The following PYY variants were observed in gnomAD, a reference collection of about 807,000 sequenced individuals.
PYY encodes the protein peptide YY, also known as peptide tyrosine tyrosine.
A neutral mutation model predicts 10.3 loss-of-function variants in PYY; 12 were observed. That is an observed-to-expected ratio of 1.17 (90% CI 0.75 to 1.89). The LOEUF is 1.89. Ranked by LOEUF, PYY falls within the 40% of genes most tolerant of loss-of-function variation. The pLI is 0.00. For missense variants in PYY, 141 were observed against 134.0 expected (o/e 1.05, Z -0.26); for synonymous variants, 66 against 62.0 (o/e 1.06, Z -0.30).
rs1427408485 is a variant in PYY, at chr17:43,987,021, C to G, written c.-463+17370G>C. On this transcript the variant is annotated intron_variant, in intron 1 of 6. Coordinates refer to the PYY transcript ENST00000360085. This position sits in a 1 kb window ranked among gnomAD's most constrained non-coding sequence, Gnocchi z 4.0. Reference sequence around the variant, plus strand: ...TTCCTACAGCAAGTCAACGGCAACACCAGGGCTCAGCTCAGGCCGGTCTGG... The same window carrying G: ...TTCCTACAGCAAGTCAACGGCAACAGCAGGGCTCAGCTCAGGCCGGTCTGG... 1.3e-5 allele frequency among the ~76,000 whole-genome samples: 2 copies of G among 152,194 alleles called. No homozygotes were observed. Among genetic ancestry groups the G allele is most frequent in the African/African-American group, 4.8e-5 (2 of 41,424 alleles).
chr17:43,953,605 C>T, intron 1 of PYY, 122 bp from the exon 2 acceptor site: 1 of 933,116 alleles, frequency 1.1e-6, no homozygotes, highest in East Asian at 2.8e-5. Flanking sequence ...GACCAAGGCT[C>T]AGCCACCGGG....
chr17:43,955,102 G>C (rs1453397671), upstream of PYY, among the ~76,000 whole-genome samples: 1 of 152,226 alleles, frequency 6.6e-6, no homozygotes, highest in Non-Finnish European at 1.5e-5. Context: ...CCTGGGAGCA[G>C]GGACCCGAAG....
intron 1 of PYY, among the ~76,000 whole-genome samples, chr17:43,993,053 C>G (rs931039081): frequency 3.3e-5 from 5 of 152,330 alleles, no homozygotes; most frequent in African/African-American, 1.2e-4. Context: ...GCGACGCACA[C>G]CTGTAATCCC....
At chr17:43,973,214 T>A (rs2048807193) in intron 1 of PYY, among the ~76,000 whole-genome samples, 1 of 152,108 alleles carries the variant, frequency 6.6e-6, no homozygotes, top group African/African-American at 2.4e-5. Flanking sequence ...TTAAAAAGTG[T>A]TTGTCACTTA....
chr17:43,961,668 G>A (rs2048713716), intron 2 of PYY, among the ~76,000 whole-genome samples: 1 of 152,130 alleles, frequency 6.6e-6, no homozygotes, highest in Non-Finnish European at 1.5e-5. Flanking sequence ...AGCCTCCCGA[G>A]TAGCTGGGAT....
upstream of PYY, among the ~76,000 whole-genome samples, chr17:43,954,163 G>GA (rs1417945983): frequency 9.2e-5 from 14 of 152,194 alleles, no homozygotes; most frequent in African/African-American, 3.4e-4. Context: ...GGGGTACCCA[G>GA]CCTGAACCCC....
chr17:43,991,676 T>G (rs1358884051), intron 1 of PYY, among the ~76,000 whole-genome samples: 5 of 151,884 alleles, frequency 3.3e-5, no homozygotes, highest in Non-Finnish European at 7.4e-5. Flanking sequence ...TACAAAAAAT[T>G]GGCTGGGCGT....
intron 2 of PYY, among the ~76,000 whole-genome samples, chr17:43,964,349 C>A (rs2048739881): frequency 6.6e-6 from 1 of 152,158 alleles, no homozygotes. Context: ...AATATTATGC[C>A]CATAAGCTTT....
intron 1 of PYY, among the ~76,000 whole-genome samples, chr17:43,991,495 C>T (rs190182404): frequency 2.1e-3 from 323 of 152,298 alleles, no homozygotes; most frequent in Non-Finnish European, 3.7e-3. Flanking sequence ...CTATGTAAAA[C>T]TATATGGTCA....
chr17:43,989,092 A>G (rs1280143496), intron 1 of PYY, among the ~76,000 whole-genome samples: 1 of 148,296 alleles, frequency 6.7e-6, no homozygotes, highest in Non-Finnish European at 1.5e-5. Context: ...AACACATAAC[A>G]GGCTGGGCGC....
At chr17:43,976,990 C>T (rs2048853622) in intron 1 of PYY, among the ~76,000 whole-genome samples, 1 of 152,108 alleles carries the variant, frequency 6.6e-6, no homozygotes, top group Non-Finnish European at 1.5e-5. Context: ...CCGGCCTCTA[C>T]CCACATTTCT....
chr17:43,989,617 T>C (rs755785141), intron 1 of PYY, among the ~76,000 whole-genome samples: 101 of 151,370 alleles, frequency 6.7e-4, no homozygotes, highest in Non-Finnish European at 1.1e-3. Context: ...ATCAATAGAC[T>C]AAGAAAAATT....
intron 1 of PYY, among the ~76,000 whole-genome samples, chr17:43,999,120 G>A (rs1447221417): frequency 6.6e-6 from 1 of 152,136 alleles, no homozygotes; most frequent in Non-Finnish European, 1.5e-5. Flanking sequence ...GGGAGTGTGA[G>A]GAAGAGCAGC....
At chr17:43,964,720 T>C (rs1429986810) in intron 2 of PYY, among the ~76,000 whole-genome samples, 1 of 152,150 alleles carries the variant, frequency 6.6e-6, no homozygotes, top group African/African-American at 2.4e-5. Context: ...GGAGAATCGC[T>C]TGAACCCGGG....
At chr17:43,973,339 T>C (rs548441011) in intron 1 of PYY, among the ~76,000 whole-genome samples, 1 of 152,264 alleles carries the variant, frequency 6.6e-6, no homozygotes, top group South Asian at 2.1e-4. Flanking sequence ...GATCACATCC[T>C]AGGTCGTTGT....
intron 2 of PYY, among the ~76,000 whole-genome samples, chr17:43,963,017 G>A (rs954181907): frequency 3.7e-4 from 56 of 152,128 alleles, no homozygotes; most frequent in African/African-American, 1.3e-3. Context: ...GGGGAGAGAG[G>A]AACAGAGCCA....
At chr17:43,990,482 G>GACT (rs2048949676) in intron 1 of PYY, among the ~76,000 whole-genome samples, 1 of 147,068 alleles carries the variant, frequency 6.8e-6, no homozygotes, top group Non-Finnish European at 1.5e-5. Flanking sequence ...AACTTCTCAA[G>GACT]ACTCAAGAGC....
At chr17:43,955,746 G>A (rs1207111062), upstream of PYY, among the ~76,000 whole-genome samples, 2 of 152,148 alleles carry the variant, frequency 1.3e-5, no homozygotes, top group African/African-American at 4.8e-5. Flanking sequence ...GACAGAGACA[G>A]CCTTTGTCCT....
exon 1 of PYY, chr17:44,004,443 G>A: frequency 2.4e-6 from 1 of 412,396 alleles, no homozygotes; most frequent in Non-Finnish European, 4.1e-6. Context: ...CCCCATGACC[G>A]ATAGTGGGTT....
Sources: gnomAD v4.1 joint callset for allele counts (sites outside exome capture counted in the v4.1 genomes callset) on GRCh38, gnomAD v4.1.1 for gene constraint, Gnocchi (gnomAD v3.1) non-coding constraint, MANE v1.5 for transcripts, NCBI Gene and HGNC (gene_info 2026-07-23, HGNC 2026-07-21) for gene names.